Variants in BRWD1 observed in about 807,000 individuals in gnomAD.
The protein encoded by BRWD1 is bromodomain and WD repeat domain containing 1.
BRWD1 carries 82 observed loss-of-function variants against 251.2 expected under a neutral mutation model. The observed-to-expected ratio is 0.33, with a 90% CI of 0.27 to 0.39. The LOEUF (loss-of-function observed/expected upper bound fraction) is 0.39, where lower values mean the gene tolerates loss of function less well. BRWD1 is among the 10% of genes least tolerant of loss of function. BRWD1 has a pLI of 1.00. For synonymous variants in BRWD1, 918 were observed against 902.8 expected (o/e 1.02, Z -0.30); for missense variants, 2,233 against 2,711.6 (o/e 0.82, Z 3.92).
intron 31 of BRWD1, chr21:39,217,114 TAGAC>T (rs1382879005): frequency 1.6e-5 from 2 of 126,526 alleles, no homozygotes; most frequent in African/African-American, 3.0e-5. Flanking sequence ...TTTAATTGCT[TAGAC>T]AGGGTCTCAC....
chr21:39,259,070 A>G (rs900928501), intron 17 of BRWD1, among the ~76,000 whole-genome samples: 4 of 152,128 alleles, frequency 2.6e-5, no homozygotes, highest in African/African-American at 9.7e-5. Context: ...GTGGAGAAAA[A>G]TCCCTGAGAT....
At position 39,194,182 on chromosome 21, in the gene BRWD1, T is replaced by A. The variant is rs570384685; in HGVS notation, c.*2077A>T. On this transcript the variant is annotated 3_prime_UTR_variant, in exon 41 of 41. Transcript: ENST00000342449. The stretch of plus-strand genomic sequence containing the variant: ...GTCCAAATAATCAGAATAGTTCTAT[T>A]AATGAAGCCTAAACTGTCAAAATAT... The A allele has an allele frequency of 1.4e-5, 14 of 982,798 alleles. No homozygotes were observed. The South Asian group carries it at 5.2e-4, about 36-fold the overall frequency. 60.9% of individuals were successfully genotyped at this position (982,798 alleles called of 1,614,324 possible).
rs768158863 is a variant in BRWD1, at chr21:39,264,460, T to C, written c.1885A>G (p.Ser629Gly). 6 of 1,569,310 alleles carry C rather than the reference T, an allele frequency of 3.8e-6. No individual in the cohort carries two copies. Among genetic ancestry groups the C allele is most frequent in the Admixed American group, 2.0e-5 (1 of 49,664 alleles). ...AAAAAAAAAAAAAGACTGCACTTAC[T>C]TGTTGCCACATAGCCCAGCTGTGGA... is the stretch of plus-strand genomic sequence containing the variant. ...LIPQLGYVAT[S>G]DGEVIEQIIS... Residue 629 changes from serine to glycine, a missense_variant and splice_region_variant, in exon 17 of 41, where the codon AGT becomes GGT. Ser to Gly is a moderately conservative substitution (Grantham distance 56). This residue lies in a region of BRWD1 where 315 missense variants were observed against 421.8 expected (regional missense o/e 0.75). Transcript: ENST00000342449.
Position 39,187,735 on chromosome 21 carries a change from C to G in BRWD1, c.*8524G>C, listed in dbSNP as rs1472396241. The G allele has an allele frequency of 1.0e-6, 1 of 984,740 alleles. No homozygotes were observed. The highest frequency in any genetic ancestry group is 1.7e-5 in the African/African-American group (1 of 57,196). 61.0% of individuals were successfully genotyped at this position (984,740 alleles called of 1,614,324 possible). ...TGAGCATTTTACATAATTTGAATTACTAAATCTTAACTTCATTGTTCCAGT... is the reference window on the plus strand; with the variant it reads ...TGAGCATTTTACATAATTTGAATTAGTAAATCTTAACTTCATTGTTCCAGT... On this transcript the variant is annotated 3_prime_UTR_variant, in exon 41 of 41. Coordinates refer to ENST00000342449, the MANE Select transcript of BRWD1 (RefSeq NM_033656.4).
intron 8 of BRWD1, among the ~76,000 whole-genome samples, chr21:39,292,543 GGGA>G (rs2035847055): frequency 6.6e-6 from 1 of 152,124 alleles, no homozygotes; most frequent in Non-Finnish European, 1.5e-5. Flanking sequence ...CAGAAACTTT[GGGA>G]GTAGTGCCTA....
chr21:39,234,226 T>C (rs373622938), intron 23 of BRWD1, among the ~76,000 whole-genome samples: 21 of 152,166 alleles, frequency 1.4e-4, no homozygotes, highest in African/African-American at 4.8e-4. Context: ...GAAGCATTCC[T>C]GGCCCTGAAG....
chr21:39,301,423 A>C (rs367885490), intron 4 of BRWD1, among the ~76,000 whole-genome samples: 1 of 152,186 alleles, frequency 6.6e-6, no homozygotes, highest in East Asian at 1.9e-4. Context: ...TCACACTGGA[A>C]AGACCAAAAG....
intron 21 of BRWD1, 100 bp from the exon 22 acceptor site, chr21:39,238,673 T>C: frequency 1.3e-6 from 1 of 757,100 alleles, no homozygotes; most frequent in East Asian, 2.6e-5. Flanking sequence ...GATTAAATCA[T>C]CTAAGAAAAA....
At chr21:39,286,765 C>A (rs771960051) in intron 8 of BRWD1, among the ~76,000 whole-genome samples, 2 of 152,084 alleles carry the variant, frequency 1.3e-5, no homozygotes, top group Non-Finnish European at 2.9e-5. Context: ...CCGCCCACCT[C>A]GGCCTCCCAA....
At chr21:39,314,043 G>A (rs1033161945), upstream of BRWD1, 1 of 455,754 alleles carries the variant, frequency 2.2e-6, no homozygotes, top group Admixed American at 2.3e-5. Flanking sequence ...CGAGTCGCGG[G>A]TTGGGCAAGG....
rs2034541298 is a variant in BRWD1 at position 39,255,652 on chromosome 21, T to C, written c.2248A>G (p.Ile750Val). 1 of 1,613,706 alleles carries C rather than the reference T, an allele frequency of 6.2e-7. No homozygotes were observed. Among genetic ancestry groups the C allele is most frequent in the Non-Finnish European group, 8.5e-7 (1 of 1,179,636 alleles). The stretch of plus-strand genomic sequence containing the variant: ...AGATATCCTAAAACAAACCTAAATA[T>C]GCCTAGTGGTACCTCTGGTACAACC... ...RVVVPEVPLG[I>V]FRKLEDFRLE... Residue 750 changes from isoleucine to valine, a missense_variant, in exon 19 of 41, where the codon ATA (isoleucine) becomes GTA (valine). Ile to Val is a conservative substitution (Grantham distance 29). This residue lies in a region of BRWD1 where 35 missense variants were observed against 76.3 expected (regional missense o/e 0.46). Transcript: ENST00000342449.
chr21:39,313,606 G>T lies in BRWD1; in HGVS notation c.-115C>A. The T allele has an allele frequency of 4.7e-6, 4 of 848,938 alleles. No homozygotes were observed. The highest frequency in any genetic ancestry group is 6.2e-6 in the Non-Finnish European group (4 of 640,606). The allele number at this position is 848,938 out of a possible 1,614,324, so 52.6% of individuals were successfully genotyped here. On this transcript the variant is annotated 5_prime_UTR_variant, in exon 1 of 41. Transcript: ENST00000342449. ...TCAGGCGCGCGCCGCCGCCGCCGCC[G>T]CCGCCGCCATACCGTGCGCGCCGCC... is the stretch of plus-strand genomic sequence containing the variant.
rs1221440477 is a variant in BRWD1 at position 39,313,427 on chromosome 21, C to T, written c.49+16G>A. On this transcript the variant is annotated intron_variant, in intron 1 of 40. Coordinates refer to ENST00000342449, the MANE Select transcript of BRWD1 (RefSeq NM_033656.4). The stretch of plus-strand genomic sequence containing the variant: ...CGGGAGCGCCAGGGCGGGGGTGGCA[C>T]GGCCTCGCGTCTTACCCGACTCGAT... 2 of 1,426,736 alleles carry T rather than the reference C, an allele frequency of 1.4e-6. No individual in the cohort carries two copies. Among genetic ancestry groups the T allele is most frequent in the African/African-American group, 1.5e-5 (1 of 66,732 alleles). The allele number at this position is 1,426,736 out of a possible 1,614,324, so 88.4% of individuals were successfully genotyped here. A position where few individuals can be genotyped will look rare whatever the true frequency, so the allele number is the denominator to read the frequency against.
At chr21:39,269,266 G>T (rs2035028062) in intron 15 of BRWD1, among the ~76,000 whole-genome samples, 1 of 146,866 alleles carries the variant, frequency 6.8e-6, no homozygotes. Flanking sequence ...TTTTTTTTAA[G>T]AATACACCTG....
intron 17 of BRWD1, among the ~76,000 whole-genome samples, chr21:39,260,815 G>A (rs2034718420): frequency 6.6e-6 from 1 of 152,178 alleles, no homozygotes; most frequent in Non-Finnish European, 1.5e-5. Context: ...ACAGAGGTGA[G>A]AGTTTGCTGG....
At chr21:39,202,227 A>AGGCCAC (rs1236732284) in intron 38 of BRWD1, 98 bp downstream of exon 38, 46 of 812,892 alleles carry the variant, frequency 5.7e-5, no homozygotes, top group South Asian at 5.6e-4. Context: ...TTCAGTGTCA[A>AGGCCAC]GGCCACATCT....
chr21:39,265,790 A>G (rs1290438509), intron 15 of BRWD1, among the ~76,000 whole-genome samples: 1 of 152,232 alleles, frequency 6.6e-6, no homozygotes, highest in Non-Finnish European at 1.5e-5. Context: ...GCACCATGCA[A>G]AATTTGGCAA....
chr21:39,213,447 A>C, intron 33 of BRWD1, 34 bp downstream of exon 33: 1 of 1,563,270 alleles, frequency 6.4e-7, no homozygotes, highest in Non-Finnish European at 8.8e-7. Context: ...TTTGAAATTA[A>C]CAAAAACCAT....
At chr21:39,225,054 G>A (rs745992224) in intron 28 of BRWD1, 32 bp downstream of exon 28, 2 of 1,405,000 alleles carry the variant, frequency 1.4e-6, no homozygotes, top group Non-Finnish European at 2.0e-6. Flanking sequence ...CTGAATTACT[G>A]GGAAATGATT....
Sources: gnomAD v4.1 joint callset for allele counts (sites outside exome capture counted in the v4.1 genomes callset) on GRCh38, gnomAD v4.1.1 for gene constraint, gnomAD v4.1.1 regional missense constraint, MANE v1.5 for transcripts, NCBI Gene and HGNC (gene_info 2026-07-23, HGNC 2026-07-21) for gene names.